The following LNPEP variants were observed in gnomAD, a reference collection of about 807,000 sequenced individuals.
LNPEP encodes the protein leucyl and cystinyl aminopeptidase, also known as leucyl-cystinyl aminopeptidase.
In LNPEP, 64 loss-of-function variants were observed where a neutral mutation model predicts 120.6. That is an observed-to-expected ratio of 0.53 (90% CI 0.43 to 0.65). The LOEUF is 0.65. Among genes scored for constraint, LNPEP ranks in the 30% least tolerant of loss-of-function variants. The pLI is 0.00. For missense variants in LNPEP, 1,057 were observed against 1,200.0 expected, an observed-to-expected ratio of 0.88 and a Z score of 1.76; for synonymous variants, 435 against 425.4, an observed-to-expected ratio of 1.02 and a Z score of -0.28.
In LNPEP at chr5:97,021,297, TA is replaced by T. The variant is rs1328940472; in HGVS notation, c.2377-997del. On this transcript the variant is annotated intron_variant, in intron 13 of 17. Coordinates refer to ENST00000231368, the MANE Select transcript of LNPEP (RefSeq NM_005575.3). ...GAAAATGAAGCAAGTGTCAGAGTGT[TA>T]AAAAACTGTTGAATCTAGATGAACA... Among the ~76,000 whole-genome samples the T allele has an allele frequency of 2.0e-5, 3 of 152,294 alleles. No individual in the cohort carries two copies. The East Asian group carries it at 5.8e-4, about 29-fold the overall frequency.
rs1371670167 is a variant in LNPEP at position 97,027,120 on chromosome 5, G to A, written c.2864+363G>A. ...TTTAATCCCAGCACTTTGGGAGGCC[G>A]AGATGGGCGGATCACGAGGTCAGGA... On this transcript the variant is annotated intron_variant, in intron 16 of 17. Coordinates refer to ENST00000231368, the MANE Select transcript of LNPEP (RefSeq NM_005575.3). 4.6e-5 allele frequency among the ~76,000 whole-genome samples: 7 copies of A among 152,268 alleles called. No individual in the cohort carries two copies. In the East Asian group the frequency reaches 1.2e-3, roughly 25 times the overall value.
At chr5:96,945,453 T>C (rs1438136870) in intron 1 of LNPEP, among the ~76,000 whole-genome samples, 1 of 149,888 alleles carries the variant, frequency 6.7e-6, no homozygotes, top group Non-Finnish European at 1.5e-5. Context: ...TTCTATAGAA[T>C]GTTCCACACA....
intron 11 of LNPEP, chr5:97,011,318 T>A: frequency 2.4e-6 from 1 of 423,918 alleles, no homozygotes; most frequent in African/African-American, 2.2e-5. Flanking sequence ...CTTGACCTAG[T>A]GATAGTTGAC....
intron 7 of LNPEP, 53 bp from the exon 8 acceptor site, chr5:96,997,961 A>G: frequency 1.6e-6 from 2 of 1,269,404 alleles, no homozygotes; most frequent in South Asian, 2.8e-5. Context: ...AATTTACTAT[A>G]CTTTTGCATT....
chr5:96,968,507 C>T (rs921079189), intron 1 of LNPEP, among the ~76,000 whole-genome samples: 1 of 151,876 alleles, frequency 6.6e-6, no homozygotes, highest in African/African-American at 2.4e-5. Flanking sequence ...TTTCAGGGCC[C>T]ATTTAAGGAT....
intron 1 of LNPEP, among the ~76,000 whole-genome samples, chr5:96,970,306 TA>T (rs1561435601): frequency 6.6e-6 from 1 of 152,068 alleles, no homozygotes; most frequent in Non-Finnish European, 1.5e-5. Context: ...CTATTCTTCA[TA>T]AAAAACTTCT....
At chr5:96,939,749 A>G (rs1581969916) in intron 1 of LNPEP, among the ~76,000 whole-genome samples, 1 of 152,152 alleles carries the variant, frequency 6.6e-6, no homozygotes, top group African/African-American at 2.4e-5. Context: ...AGTATTTTTC[A>G]ACTTCAAAAA....
intron 1 of LNPEP, among the ~76,000 whole-genome samples, chr5:96,977,612 T>A (rs1790028439): frequency 6.6e-6 from 1 of 152,190 alleles, no homozygotes; most frequent in South Asian, 2.1e-4. Flanking sequence ...ATGCAAATGC[T>A]GCAGGGTCAC....
chr5:97,022,894 A>G (rs1316624270), intron 14 of LNPEP, among the ~76,000 whole-genome samples: 3 of 149,890 alleles, frequency 2.0e-5, no homozygotes, highest in African/African-American at 7.4e-5. Context: ...GGTGTCAAAC[A>G]AGACTTTTTA....
intron 1 of LNPEP, among the ~76,000 whole-genome samples, chr5:96,940,675 C>G (rs1789029673): frequency 6.6e-6 from 1 of 152,182 alleles, no homozygotes; most frequent in Non-Finnish European, 1.5e-5. Context: ...TATTAGGAAA[C>G]AGCAGTATTA....
intron 11 of LNPEP, chr5:97,011,086 C>G: frequency 1.0e-6 from 1 of 985,378 alleles, no homozygotes; most frequent in Middle Eastern, 5.2e-4. Context: ...GCTTATCAAC[C>G]AAGGTATTCC....
At chr5:96,962,766 T>TAGG (rs1158316972) in intron 1 of LNPEP, 3 of 152,136 alleles carry the variant, frequency 2.0e-5, no homozygotes, top group Admixed American at 2.0e-4. Flanking sequence ...CTTCCAGAGA[T>TAGG]ATTCTTAATT....
intron 1 of LNPEP, among the ~76,000 whole-genome samples, chr5:96,950,878 A>T (rs2112566733): frequency 6.6e-6 from 1 of 152,316 alleles, no homozygotes; most frequent in Admixed American, 6.5e-5. Flanking sequence ...TAGAGTAATT[A>T]TATGGGAACA....
chr5:96,951,759 AT>A (rs1033491845), intron 1 of LNPEP, among the ~76,000 whole-genome samples: 13 of 148,394 alleles, frequency 8.8e-5, no homozygotes, highest in South Asian at 2.1e-4. Flanking sequence ...GTTAAGTTCA[AT>A]TTTTTTTTTT....
At chr5:96,954,631 T>TACATATATACATATATACATATATAC (rs1374650155) in intron 1 of LNPEP, among the ~76,000 whole-genome samples, 1 of 66,064 alleles carries the variant, frequency 1.5e-5, no homozygotes, top group African/African-American at 5.2e-5. Flanking sequence ...TATATATATA[T>TACATATATACATATATACATATATAC]ACATATATAC....
In LNPEP at chr5:96,952,482, T is replaced by C. The variant is rs531002209; in HGVS notation, c.19+16308T>C. 8.5e-5 allele frequency among the ~76,000 whole-genome samples: 13 copies of C among 152,268 alleles called. No individual in the cohort carries two copies. In the South Asian group the frequency reaches 2.3e-3, roughly 27 times the overall value. ...TTTTTCAGGAACTGGAGAGGAATAG[T>C]TTAGGAGTCCACAGAAGGTAGAAAG... On this transcript the variant is annotated intron_variant, in intron 1 of 17. Coordinates refer to ENST00000231368, the MANE Select transcript of LNPEP (RefSeq NM_005575.3).
rs1365751652 is a variant in LNPEP, at chr5:96,979,298, G to A, written c.180G>A (p.Glu60=). ...GSRLLVRGLG[E]HEMEEDEEDY... ...GACTGCTGGTGCGGGGTCTTGGTGA[G>A]CATGAGATGGAGGAGGATGAAGAGG... The change falls in exon 2 of 18, where the codon GAG becomes GAA. Residue 60 remains glutamate (E), a synonymous_variant. Coordinates refer to ENST00000231368, the MANE Select transcript of LNPEP (RefSeq NM_005575.3). The A allele has an allele frequency of 6.2e-7, 1 of 1,613,946 alleles. No homozygotes were observed. Among genetic ancestry groups the A allele is most frequent in the African/African-American group, 1.3e-5 (1 of 74,912 alleles).
chr5:96,936,211 C>T, intron 1 of LNPEP, 37 bp downstream of exon 1: 1 of 1,416,194 alleles, frequency 7.1e-7, no homozygotes, highest in Non-Finnish European at 9.2e-7. Flanking sequence ...CCCGGGCTCT[C>T]CGGAGCCCTG....
rs3756618 is a variant in LNPEP, at chr5:97,029,034, T to A, written c.*501T>A. 2,187 of 152,916 alleles carry A rather than the reference T, an allele frequency of 0.014. 52 individuals are homozygous for A. The highest frequency in any genetic ancestry group is 0.088 in the South Asian group (426 of 4,830). 9.5% of individuals were successfully genotyped at this position (152,916 alleles called of 1,614,324 possible). A position where few individuals can be genotyped will look rare whatever the true frequency, so the allele number is the denominator to read the frequency against. On this transcript the variant is annotated 3_prime_UTR_variant, in exon 18 of 18. Coordinates refer to ENST00000231368, the MANE Select transcript of LNPEP (RefSeq NM_005575.3). ...ACAATAAAGCATGCACTGTAAGAAC[T>A]GACCTCAGGTGTGCAGATCTACTTT...
Sources: allele counts gnomAD v4.1 joint callset (sites outside exome capture counted in the v4.1 genomes callset), GRCh38; gene constraint gnomAD v4.1.1; transcripts MANE v1.5; gene names NCBI Gene and HGNC (gene_info 2026-07-23, HGNC 2026-07-21).